The following GLYAT variants were observed in gnomAD, a reference collection of about 807,000 sequenced individuals.
GLYAT encodes glycine-N-acyltransferase, also known as glycine N-acyltransferase.
In GLYAT, 25 loss-of-function variants were observed where a neutral mutation model predicts 22.8. The observed-to-expected ratio is 1.09, with a 90% CI of 0.80 to 1.53. The LOEUF is 1.53. Among genes scored for constraint, GLYAT ranks in the 40% most tolerant of loss-of-function variants. The pLI is 0.00. For missense variants in GLYAT, 411 were observed against 353.9 expected (o/e 1.16, Z -1.29); for synonymous variants, 140 against 122.7 (o/e 1.14, Z -0.93).
Position 58,709,856 on chromosome 11 carries a change from G to C in GLYAT, c.801C>G (p.Tyr267Ter). ...TCATTTTTTGCATAGCTTCATTGCTGTAGTCTACATGAGAATAGACAGGAA... is the reference window on the plus strand; with the variant it reads ...TCATTTTTTGCATAGCTTCATTGCTCTAGTCTACATGAGAATAGACAGGAA... Reference protein sequence around the residue: ...LGFPVYSHVDYSNEAMQKMSY... With the variant: ...LGFPVYSHVD The change falls in exon 6 of 6, where the codon TAC becomes TAG. Residue 267 changes from tyrosine to a stop codon, truncating the protein, a stop_gained. Coordinates refer to ENST00000344743, the MANE Select transcript of GLYAT (RefSeq NM_201648.3). LOFTEE classifies it low-confidence loss of function (END_TRUNC). 6.2e-7 allele frequency: 1 copy of C among 1,613,954 alleles called. No homozygotes were observed. The highest frequency in any genetic ancestry group is 8.5e-7 in the Non-Finnish European group (1 of 1,179,802).
At chr11:58,730,905 A>G (rs140658962) in intron 1 of GLYAT, among the ~76,000 whole-genome samples, 11 of 152,342 alleles carry the variant, frequency 7.2e-5, no homozygotes, top group Non-Finnish European at 1.2e-4. Flanking sequence ...ACCCTAAGGC[A>G]TTAACATAAT....
chr11:58,719,731 T>G (rs1045672080), intron 2 of GLYAT, among the ~76,000 whole-genome samples: 1 of 151,962 alleles, frequency 6.6e-6, no homozygotes, highest in Non-Finnish European at 1.5e-5. Context: ...GCTTTATAGA[T>G]GCAGGAGTTA....
At chr11:58,721,468 G>GAAAAC (rs1449155369) in intron 2 of GLYAT, among the ~76,000 whole-genome samples, 2 of 151,408 alleles carry the variant, frequency 1.3e-5, no homozygotes, top group Admixed American at 6.6e-5. Context: ...AACTGAGAAG[G>GAAAAC]AAAACAAAAC....
In GLYAT at chr11:58,729,425, G is replaced by A. The variant is rs376217925; in HGVS notation, c.-16+2410C>T. On this transcript the variant is annotated intron_variant, in intron 1 of 5. Transcript: ENST00000344743. ...TTTCTTCTTTCAATTGATAAATATC[G>A]TATATATTTATGCTGTTCAACATGA... Among the ~76,000 whole-genome samples the A allele has an allele frequency of 1.9e-3, 282 of 152,094 alleles. 4 individuals carry two copies. In the South Asian group the frequency reaches 0.056, roughly 30 times the overall value.
rs1017120510 is a variant in GLYAT, at chr11:58,709,794, C to T, written c.863G>A (p.Trp288Ter). 1 of 1,612,938 alleles carries T rather than the reference C, an allele frequency of 6.2e-7. No individual in the cohort carries two copies. The highest frequency in any genetic ancestry group is 8.5e-7 in the Non-Finnish European group (1 of 1,179,292). Residue 288 changes from tryptophan to a stop codon, truncating the protein, a stop_gained, in exon 6 of 6, where the codon TGG becomes TAG. Transcript: ENST00000344743. LOFTEE classifies it high-confidence loss of function. ...TLQHVPIPRSWNQWNCVPL is the reference protein window; with the variant it reads ...TLQHVPIPRS ...CAGAGGTACACAGTTCCACTGGTTCCAGCTTCTGGGAATGGGAACATGTTG... is the reference window on the plus strand; with the variant it reads ...CAGAGGTACACAGTTCCACTGGTTCTAGCTTCTGGGAATGGGAACATGTTG...
chr11:58,717,261 A>G (rs1856692909), intron 2 of GLYAT, among the ~76,000 whole-genome samples: 3 of 152,190 alleles, frequency 2.0e-5, no homozygotes, highest in Admixed American at 1.3e-4. Flanking sequence ...TTATTTCTAG[A>G]TGGGTAGGTC....
At chr11:58,731,460 T>C (rs1241415000) in intron 1 of GLYAT, among the ~76,000 whole-genome samples, 1 of 152,190 alleles carries the variant, frequency 6.6e-6, no homozygotes, top group Non-Finnish European at 1.5e-5. Context: ...TCCTTGAGCA[T>C]AGTTGTCTGC....
At chr11:58,710,315 A>G in intron 5 of GLYAT, 147 bp from the exon 6 acceptor site, 2 of 1,334,054 alleles carry the variant, frequency 1.5e-6, no homozygotes, top group Non-Finnish European at 2.0e-6. Flanking sequence ...TGAAAGAGGA[A>G]CAGAGTGAAG....
At chr11:58,730,162 G>T (rs1468129752) in intron 1 of GLYAT, among the ~76,000 whole-genome samples, 1 of 151,786 alleles carries the variant, frequency 6.6e-6, no homozygotes, top group Non-Finnish European at 1.5e-5. Flanking sequence ...TTAATCTAAA[G>T]AAAACAATTT....
chr11:58,729,598 T>C (rs1856850717), intron 1 of GLYAT, among the ~76,000 whole-genome samples: 1 of 152,196 alleles, frequency 6.6e-6, no homozygotes, highest in Non-Finnish European at 1.5e-5. Flanking sequence ...AATGATTGAA[T>C]ACATGAAATG....
At chr11:58,711,481 C>T (rs755850514) in intron 4 of GLYAT, among the ~76,000 whole-genome samples, 2 of 152,130 alleles carry the variant, frequency 1.3e-5, no homozygotes, top group Non-Finnish European at 2.9e-5. Flanking sequence ...GGGGAAGAAG[C>T]ATTTCAAACA....
intron 1 of GLYAT, among the ~76,000 whole-genome samples, chr11:58,726,040 A>C (rs964399564): frequency 1.1e-4 from 17 of 152,262 alleles, no homozygotes; most frequent in African/African-American, 4.1e-4. Context: ...AGGTCTTGTC[A>C]GGAAGCTGCT....
At position 58,729,799 on chromosome 11, in the gene GLYAT, T is replaced by A. The variant is rs187277711; in HGVS notation, c.-16+2036A>T. ...TATCTCATATCTAAGGGTCTTAGGATGATAAAAGTATAACATTCCTAAAGG... is the reference window on the plus strand; with the variant it reads ...TATCTCATATCTAAGGGTCTTAGGAAGATAAAAGTATAACATTCCTAAAGG... On this transcript the variant is annotated intron_variant, in intron 1 of 5. Coordinates refer to ENST00000344743, the MANE Select transcript of GLYAT (RefSeq NM_201648.3). Among the ~76,000 whole-genome samples, 475 of 152,356 alleles carry A rather than the reference T, an allele frequency of 3.1e-3. 2 individuals are homozygous for A. The highest frequency in any genetic ancestry group is 0.011 in the African/African-American group (443 of 41,600).
At chr11:58,721,341 T>C (rs1856747338) in intron 2 of GLYAT, among the ~76,000 whole-genome samples, 1 of 149,234 alleles carries the variant, frequency 6.7e-6, no homozygotes. Context: ...TTTTTATTTT[T>C]CTTTTAGCCA....
chr11:58,719,103 G>A (rs1006294328), intron 2 of GLYAT, among the ~76,000 whole-genome samples: 1 of 151,922 alleles, frequency 6.6e-6, no homozygotes, highest in Non-Finnish European at 1.5e-5. Flanking sequence ...GTCAGAAAAA[G>A]ACATAATTTA....
chr11:58,715,459 T>C, intron 2 of GLYAT, 36 bp from the exon 3 acceptor site: 1 of 951,992 alleles, frequency 1.1e-6, no homozygotes, highest in Non-Finnish European at 1.7e-6. Context: ...GGTTGGTTTA[T>C]TTGAAAAAAA....
chr11:58,718,499 CTGA>C (rs1856710904), intron 2 of GLYAT, among the ~76,000 whole-genome samples: 1 of 151,990 alleles, frequency 6.6e-6, no homozygotes, highest in African/African-American at 2.4e-5. Context: ...TTTCTCTATT[CTGA>C]TGTCACAATC....
rs959068381 is a variant in GLYAT at position 58,709,516 on chromosome 11, G to A, written c.*250C>T. 6 of 420,556 alleles carry A rather than the reference G, an allele frequency of 1.4e-5. No homozygotes were observed. The highest frequency in any genetic ancestry group is 9.8e-5 in the African/African-American group (5 of 50,886). The allele number at this position is 420,556 out of a possible 1,614,324, so 26.1% of individuals were successfully genotyped here. ...TATGTATCTGATGAAGTGTCATAGA[G>A]GTCCTGGAAATGTGGGGAGGTAAAT... is the stretch of plus-strand genomic sequence containing the variant. On this transcript the variant is annotated 3_prime_UTR_variant, in exon 6 of 6. Coordinates refer to ENST00000344743, the MANE Select transcript of GLYAT (RefSeq NM_201648.3).
At position 58,725,091 on chromosome 11, in the gene GLYAT, G is replaced by A. The variant is rs7126509; in HGVS notation, c.-15-580C>T. On this transcript the variant is annotated intron_variant, in intron 1 of 5. Coordinates refer to ENST00000344743, the MANE Select transcript of GLYAT (RefSeq NM_201648.3). Reference sequence around the variant, plus strand: ...GCCAAAGTCCTATATATTGCATGATGTTTTGATATAGGCATTTTAATAAAG... The same window carrying A: ...GCCAAAGTCCTATATATTGCATGATATTTTGATATAGGCATTTTAATAAAG... 5.0e-3 allele frequency among the ~76,000 whole-genome samples: 766 copies of A among 152,010 alleles called. 8 individuals carry two copies. The highest frequency in any genetic ancestry group is 0.018 in the African/African-American group (733 of 41,452).
Sources: gnomAD v4.1 joint callset for allele counts (sites outside exome capture counted in the v4.1 genomes callset) on GRCh38, gnomAD v4.1.1 for gene constraint, MANE v1.5 for transcripts, NCBI Gene and HGNC (gene_info 2026-07-23, HGNC 2026-07-21) for gene names.